The following ZNF33A variants were observed in gnomAD, a reference collection of about 807,000 sequenced individuals.
The protein encoded by ZNF33A is zinc finger protein 33A.
Under a neutral mutation model 15.9 loss-of-function variants are expected in ZNF33A, and 9 were observed. The observed-to-expected ratio is 0.57, with a 90% CI of 0.34 to 0.99. ZNF33A has a LOEUF of 0.99. Ranked by LOEUF, ZNF33A falls within the 50% of genes least tolerant of loss-of-function variation. The probability of loss-of-function intolerance (pLI) is 0.02; values close to 1 mark genes in which losing one functional copy is unlikely to be tolerated. For missense variants in ZNF33A, 843 were observed against 941.6 expected (o/e 0.90, Z 1.37); for synonymous variants, 294 against 324.2 (o/e 0.91, Z 1.00).
downstream of ZNF33A, chr10:38,064,001 A>G: frequency 1.6e-6 from 2 of 1,285,036 alleles, no homozygotes; most frequent in Non-Finnish European, 2.2e-6. Context: ...GAAAACAGGA[A>G]GAAAAGAGGG....
chr10:38,049,696 T>C (rs563108708), intron 4 of ZNF33A, among the ~76,000 whole-genome samples: 2 of 152,010 alleles, frequency 1.3e-5, no homozygotes, highest in Admixed American at 1.3e-4. Flanking sequence ...ACTTTGAGAA[T>C]GTAGAAAAGA....
intron 4 of ZNF33A, among the ~76,000 whole-genome samples, chr10:38,021,892 C>T (rs1010797834): frequency 2.0e-5 from 3 of 152,026 alleles, no homozygotes; most frequent in Admixed American, 6.6e-5. Context: ...TAAATAAAGT[C>T]TGGAGTGAAG....
chr10:38,054,910 C>T lies in ZNF33A; in HGVS notation c.786C>T (p.Leu262=), dbSNP rs1335019591. Residue 262 remains leucine, a synonymous_variant, in exon 5 of 5, where the codon CTC becomes CTT. Transcript: ENST00000432900. ...GAACTTTGTGTGATAGTTCATCCCTCTTGTTCCATCAGATATCTCCGTCAA... is the reference window on the plus strand; with the variant it reads ...GAACTTTGTGTGATAGTTCATCCCTTTTGTTCCATCAGATATCTCCGTCAA... ...FGRTLCDSSS[L]LFHQISPSRD... 2.0e-5 allele frequency: 33 copies of T among 1,613,762 alleles called. No individual in the cohort carries two copies. The highest frequency in any genetic ancestry group is 2.7e-5 in the Non-Finnish European group (32 of 1,179,998).
At chr10:38,026,534 C>T (rs1343656653) in intron 4 of ZNF33A, among the ~76,000 whole-genome samples, 1 of 152,150 alleles carries the variant, frequency 6.6e-6, no homozygotes, top group Non-Finnish European at 1.5e-5. Flanking sequence ...GGGGTTTCAC[C>T]ATGTTGGCCA....
intron 4 of ZNF33A, among the ~76,000 whole-genome samples, chr10:38,023,572 A>G (rs1215922417): frequency 1.3e-5 from 2 of 152,226 alleles, no homozygotes; most frequent in African/African-American, 4.8e-5. Flanking sequence ...TCCATCCATG[A>G]TAAAAACTCT....
chr10:38,010,711 G>T lies in ZNF33A; in HGVS notation c.-117G>T, dbSNP rs1318301085. ...TCCTTTTGTTTTTCTCAGGTTTTGC[G>T]TGGGAGGCGGTCCCGGGATTTCAAG... On this transcript the variant is annotated 5_prime_UTR_variant, in exon 1 of 5. Coordinates refer to ENST00000432900, the MANE Select transcript of ZNF33A (RefSeq NM_006954.2). 1 of 1,598,352 alleles carries T rather than the reference G, an allele frequency of 6.3e-7. No individual in the cohort carries two copies. Among genetic ancestry groups the T allele is most frequent in the Middle Eastern group, 1.7e-4 (1 of 6,060 alleles).
At chr10:38,049,922 G>A (rs1428734864) in intron 4 of ZNF33A, among the ~76,000 whole-genome samples, 1 of 152,112 alleles carries the variant, frequency 6.6e-6, no homozygotes, top group Non-Finnish European at 1.5e-5. Context: ...GAGGAAGTGA[G>A]GAAATACTAT....
downstream of ZNF33A, among the ~76,000 whole-genome samples, chr10:38,062,110 A>ACCCTTTCTGCCCCTC: frequency 6.6e-6 from 1 of 152,148 alleles, no homozygotes; most frequent in East Asian, 1.9e-4. Flanking sequence ...ACACGCTAGA[A>ACCCTTTCTGCCCCTC]CCCTTTCTGC....
At chr10:38,048,974 A>G (rs1382334028) in intron 4 of ZNF33A, among the ~76,000 whole-genome samples, 1 of 152,166 alleles carries the variant, frequency 6.6e-6, no homozygotes, top group East Asian at 1.9e-4. Flanking sequence ...CATTCTTTTC[A>G]AGGGCAGATG....
chr10:38,049,601 T>C (rs1033643127), intron 4 of ZNF33A, among the ~76,000 whole-genome samples: 2 of 152,196 alleles, frequency 1.3e-5, no homozygotes, highest in Non-Finnish European at 2.9e-5. Context: ...TTTATGTATA[T>C]GTATATATCT....
At chr10:38,065,551 T>A (rs550691408), downstream of ZNF33A, among the ~76,000 whole-genome samples, 3 of 152,292 alleles carry the variant, frequency 2.0e-5, no homozygotes, top group Admixed American at 2.0e-4. Context: ...AAAGAAAGCT[T>A]AAACATGGCT....
intron 4 of ZNF33A, among the ~76,000 whole-genome samples, chr10:38,023,412 T>A (rs909121563): frequency 6.6e-6 from 1 of 152,192 alleles, no homozygotes; most frequent in Non-Finnish European, 1.5e-5. Context: ...GTATACACCA[T>A]AATAACCAAG....
intron 4 of ZNF33A, among the ~76,000 whole-genome samples, chr10:38,042,135 C>A (rs1200426903): frequency 6.6e-6 from 1 of 151,824 alleles, no homozygotes; most frequent in Non-Finnish European, 1.5e-5. Context: ...TGTGTGGATT[C>A]AGAGTTACCA....
chr10:38,015,372 C>T (rs923805753), intron 2 of ZNF33A, among the ~76,000 whole-genome samples: 7 of 151,988 alleles, frequency 4.6e-5, no homozygotes, highest in Non-Finnish European at 8.8e-5. Flanking sequence ...TGGTGCTGAC[C>T]TTGGCTCACT....
intron 4 of ZNF33A, among the ~76,000 whole-genome samples, chr10:38,043,255 C>G (rs2065787221): frequency 6.7e-6 from 1 of 150,108 alleles, no homozygotes; most frequent in South Asian, 2.1e-4. Flanking sequence ...ATACAAAAAA[C>G]CAAACACAGC....
intron 4 of ZNF33A, among the ~76,000 whole-genome samples, chr10:38,024,163 C>CAAA (rs71007682): frequency 0.41 from 37,457 of 90,454 alleles, 4,175 homozygotes; most frequent in African/African-American, 0.46. Flanking sequence ...AAAAACAAAA[C>CAAA]AAAAAAAAAA....
intron 4 of ZNF33A, among the ~76,000 whole-genome samples, chr10:38,025,963 T>G (rs623454): frequency 0.52 from 79,544 of 151,542 alleles, 21,140 homozygotes; most frequent in South Asian, 0.71. Flanking sequence ...TGGTAACCCC[T>G]TATCTAGTTT....
At chr10:38,012,124 G>A (rs74644035) in intron 1 of ZNF33A, among the ~76,000 whole-genome samples, 174 bp from the exon 2 acceptor site, 59 of 152,174 alleles carry the variant, frequency 3.9e-4, no homozygotes, top group Middle Eastern at 3.4e-3. Context: ...CGCCTATTCC[G>A]AAGTGTTCTT....
Position 38,057,515 on chromosome 10 carries a change from A to G in ZNF33A, c.*955A>G, listed in dbSNP as rs1042756729. 1.0e-6 allele frequency: 1 copy of G among 985,348 alleles called. No homozygotes were observed. Among genetic ancestry groups the G allele is most frequent in the African/African-American group, 1.7e-5 (1 of 57,268 alleles). 61.0% of individuals were successfully genotyped at this position (985,348 alleles called of 1,614,324 possible). A position where few individuals can be genotyped will look rare whatever the true frequency, so the allele number is the denominator to read the frequency against. On this transcript the variant is annotated 3_prime_UTR_variant, in exon 5 of 5. Transcript: ENST00000432900. The stretch of plus-strand genomic sequence containing the variant: ...GAATAGGAAGTAGGTATCCTAGTTT[A>G]GTAGTGGTTACATTATCAGGCCCAT...
Sources: allele counts gnomAD v4.1 joint callset (sites outside exome capture counted in the v4.1 genomes callset), GRCh38; gene constraint gnomAD v4.1.1; transcripts MANE v1.5; gene names NCBI Gene and HGNC (gene_info 2026-07-23, HGNC 2026-07-21).